The following ADAMTS18 variants were observed in gnomAD, a reference collection of about 807,000 sequenced individuals.
ADAMTS18 encodes ADAM metallopeptidase with thrombospondin type 1 motif 18, also known as A disintegrin and metalloproteinase with thrombospondin motifs 18.
A neutral mutation model predicts 165.9 loss-of-function variants in ADAMTS18; 157 were observed. The observed-to-expected ratio is 0.95, with a 90% CI of 0.83 to 1.08. The LOEUF (loss-of-function observed/expected upper bound fraction) is 1.08, where lower values mean the gene tolerates loss of function less well. Among genes scored for constraint, ADAMTS18 ranks in the 50% least tolerant of loss-of-function variants. The pLI is 0.00. For missense variants in ADAMTS18, 2,040 were observed against 1,534.0 expected, an observed-to-expected ratio of 1.33 and a Z score of -5.51; for synonymous variants, 782 against 578.2, an observed-to-expected ratio of 1.35 and a Z score of -5.06.
intron 10 of ADAMTS18, among the ~76,000 whole-genome samples, chr16:77,344,839 T>C (rs967869483): frequency 3.9e-5 from 6 of 152,114 alleles, no homozygotes; most frequent in Non-Finnish European, 8.8e-5. Context: ...AGGGTAATTA[T>C]AGCCAACTAC....
chr16:77,423,589 G>A (rs575195118), intron 3 of ADAMTS18, among the ~76,000 whole-genome samples: 179 of 152,258 alleles, frequency 1.2e-3, no homozygotes, highest in African/African-American at 1.6e-3. Context: ...CCAGGATAAA[G>A]AGTTTTCCCT....
intron 20 of ADAMTS18, 144 bp from the exon 21 acceptor site, chr16:77,291,622 CT>C: frequency 1.1e-6 from 1 of 876,754 alleles, no homozygotes; most frequent in Non-Finnish European, 1.9e-6. Flanking sequence ...ACTCGAGGAT[CT>C]TACAGATACA....
intron 4 of ADAMTS18, 33 bp from the exon 5 acceptor site, chr16:77,364,414 A>G (rs757906265): frequency 1.5e-5 from 24 of 1,605,006 alleles, no homozygotes; most frequent in South Asian, 2.2e-5. Flanking sequence ...TGGAAGGGAT[A>G]TTAGAGAATA....
chr16:77,380,937 G>A (rs1255345171), intron 3 of ADAMTS18, among the ~76,000 whole-genome samples: 2 of 152,068 alleles, frequency 1.3e-5, no homozygotes, highest in African/African-American at 4.8e-5. Flanking sequence ...ACAGTGACAC[G>A]ATATCAGCTC....
chr16:77,361,515 T>G lies in ADAMTS18; in HGVS notation c.1216+590A>C, dbSNP rs543441739. 4.6e-5 allele frequency among the ~76,000 whole-genome samples: 7 copies of G among 152,332 alleles called. No individual in the cohort carries two copies. The South Asian group carries it at 1.0e-3, about 23-fold the overall frequency. The stretch of plus-strand genomic sequence containing the variant: ...CAGCTACCTGATTCTGTGGTCATGA[T>G]GCTTACAGAATAACCTACAAGTTTC... On this transcript the variant is annotated intron_variant, in intron 7 of 22. Transcript: ENST00000282849.
intron 20 of ADAMTS18, among the ~76,000 whole-genome samples, chr16:77,292,131 C>T (rs1275562359): frequency 6.6e-6 from 1 of 152,064 alleles, no homozygotes; most frequent in African/African-American, 2.4e-5. Context: ...CATGGTGAAG[C>T]CTCAGCAACA....
At chr16:77,298,529 C>T (rs1200216585) in intron 17 of ADAMTS18, among the ~76,000 whole-genome samples, 1 of 152,114 alleles carries the variant, frequency 6.6e-6, no homozygotes, top group Non-Finnish European at 1.5e-5. Context: ...CGATGGCTCA[C>T]ACTGATAATC....
intron 16 of ADAMTS18, among the ~76,000 whole-genome samples, chr16:77,301,278 GAA>G (rs34732324): frequency 1.0e-4 from 15 of 143,706 alleles, no homozygotes; most frequent in South Asian, 6.6e-4. Flanking sequence ...TATTTTCATT[GAA>G]AAAAAAAAAA....
At chr16:77,299,541 A>T (rs1353055923) in intron 17 of ADAMTS18, among the ~76,000 whole-genome samples, 1 of 152,190 alleles carries the variant, frequency 6.6e-6, no homozygotes, top group East Asian at 1.9e-4. Flanking sequence ...TCTCACTGTC[A>T]CCAGGTGCTC....
At chr16:77,411,747 C>G (rs141663872) in intron 3 of ADAMTS18, among the ~76,000 whole-genome samples, 1 of 129,284 alleles carries the variant, frequency 7.7e-6, no homozygotes, top group Non-Finnish European at 1.5e-5. Context: ...AGTGCAGTGG[C>G]GCAATCTTGG....
chr16:77,304,915 C>T (rs2055654147), intron 16 of ADAMTS18, among the ~76,000 whole-genome samples: 1 of 152,018 alleles, frequency 6.6e-6, no homozygotes, highest in Non-Finnish European at 1.5e-5. Flanking sequence ...AAATGAAGGC[C>T]TCTTAACTTT....
intron 13 of ADAMTS18, among the ~76,000 whole-genome samples, chr16:77,324,512 C>G (rs773753055): frequency 1.3e-5 from 2 of 152,158 alleles, no homozygotes; most frequent in Non-Finnish European, 1.5e-5. Context: ...TAAGCAAGCT[C>G]AAGATAGACA....
intron 3 of ADAMTS18, among the ~76,000 whole-genome samples, chr16:77,370,806 T>TATAC (rs1555520543): frequency 7.8e-4 from 118 of 151,714 alleles, no homozygotes; most frequent in African/African-American, 2.6e-3. Flanking sequence ...TATATATATA[T>TATAC]ACATATACAC....
intron 3 of ADAMTS18, among the ~76,000 whole-genome samples, chr16:77,417,014 T>A (rs1208257578): frequency 1.3e-5 from 2 of 152,202 alleles, no homozygotes; most frequent in African/African-American, 4.8e-5. Flanking sequence ...GGCAGTTGCT[T>A]ACATTGCTTG....
rs1230224332 is a variant in ADAMTS18 at position 77,335,615 on chromosome 16, C to A, written c.1859+141G>T. ...TAGTTGTATCAACACATCACATGTA[C>A]CCCATAAATATGTATAACCATTATG... On this transcript the variant is annotated intron_variant, in intron 12 of 22. Transcript: ENST00000282849. 25 of 1,013,736 alleles carry A rather than the reference C, an allele frequency of 2.5e-5. 1 individual carries two copies. In the South Asian group the frequency reaches 3.1e-4, roughly 13 times the overall value. 62.8% of individuals were successfully genotyped at this position (1,013,736 alleles called of 1,614,324 possible).
intron 19 of ADAMTS18, among the ~76,000 whole-genome samples, chr16:77,293,669 C>T (rs1452342475): frequency 6.6e-6 from 1 of 151,414 alleles, no homozygotes; most frequent in African/African-American, 2.4e-5. Context: ...TTTTGCAGAA[C>T]ACTGTATTTC....
At chr16:77,424,460 C>T (rs1240448277) in intron 3 of ADAMTS18, among the ~76,000 whole-genome samples, 2 of 149,176 alleles carry the variant, frequency 1.3e-5, no homozygotes, top group East Asian at 2.0e-4. Context: ...AAGAGTGAAA[C>T]TCCATCTCAA....
chr16:77,294,674 G>A (rs1249283340), intron 19 of ADAMTS18, among the ~76,000 whole-genome samples: 1 of 152,174 alleles, frequency 6.6e-6, no homozygotes, highest in Non-Finnish European at 1.5e-5. Flanking sequence ...GTGCTCACGA[G>A]TCTGGCCTAA....
chr16:77,375,490 CTT>C (rs947057762), intron 3 of ADAMTS18, among the ~76,000 whole-genome samples: 3 of 152,162 alleles, frequency 2.0e-5, no homozygotes, highest in African/African-American at 7.2e-5. Flanking sequence ...TAACGGAACA[CTT>C]TTCTGAGGAG....
Sources: allele counts gnomAD v4.1 joint callset (sites outside exome capture counted in the v4.1 genomes callset), GRCh38; gene constraint gnomAD v4.1.1; transcripts MANE v1.5; gene names NCBI Gene and HGNC (gene_info 2026-07-23, HGNC 2026-07-21).